Variants in DNAI3 observed in about 807,000 individuals in gnomAD.
DNAI3 encodes WD repeat domain 63.
Under a neutral mutation model 115.5 loss-of-function variants are expected in DNAI3, and 83 were observed. That is an observed-to-expected ratio of 0.72 (90% confidence interval 0.60 to 0.86). The LOEUF (loss-of-function observed/expected upper bound fraction) is 0.86, where lower values mean the gene tolerates loss of function less well. Ranked by LOEUF, DNAI3 falls within the 40% of genes least tolerant of loss-of-function variation. The pLI is 0.00. For missense variants in DNAI3, 1,004 were observed against 1,075.8 expected, an observed-to-expected ratio of 0.93 and a Z score of 0.93; for synonymous variants, 320 against 347.0, an observed-to-expected ratio of 0.92 and a Z score of 0.86.
chr1:85,062,348 G>C lies in DNAI3; in HGVS notation c.-153G>C, dbSNP rs1262545240. The C allele has an allele frequency of 2.0e-5, 3 of 152,148 alleles. No homozygotes were observed. The highest frequency in any genetic ancestry group is 2.1e-4 in the South Asian group (1 of 4,818). The allele number at this position is 152,148 out of a possible 1,614,324, so 9.4% of individuals were successfully genotyped here. A position where few individuals can be genotyped will look rare whatever the true frequency, so the allele number is the denominator to read the frequency against. ...CGACAGATGCGTCCTGGCAACAGTC[G>C]GCAGAGTTGCTGCGGTTTGTGCCCT... On this transcript the variant is annotated 5_prime_UTR_variant, in exon 1 of 23. Coordinates refer to ENST00000294664, the MANE Select transcript of DNAI3 (RefSeq NM_145172.5).
intron 17 of DNAI3, among the ~76,000 whole-genome samples, chr1:85,119,231 T>C (rs2034952): frequency 0.61 from 92,977 of 152,096 alleles, 30,396 homozygotes; most frequent in South Asian, 0.83. Context: ...TTCAATAATC[T>C]GTTGGAAAAG....
At chr1:85,094,286 A>G in intron 9 of DNAI3, 145 bp from the exon 10 acceptor site, 2 of 1,103,108 alleles carry the variant, frequency 1.8e-6, no homozygotes, top group South Asian at 1.6e-5. Flanking sequence ...TGGCAACCAC[A>G]TTAGCCAGCA....
Position 85,126,606 on chromosome 1 carries a change from A to G in DNAI3, c.2208A>G (p.Glu736=). The G allele has an allele frequency of 1.2e-6, 2 of 1,614,194 alleles. No homozygotes were observed. The highest frequency in any genetic ancestry group is 4.5e-5 in the East Asian group (2 of 44,882). ...TRPGVFYIGR[E]DGYIDIWDLL... is the part of the protein sequence containing the mutation. ...CCGGAGTTTTCTACATCGGCCGAGA[A>G]GATGGATACATTGATATCTGGGACC... is the stretch of plus-strand genomic sequence containing the variant. Residue 736 remains glutamate (E), a synonymous_variant, in exon 20 of 23, where the codon GAA becomes GAG. Transcript: ENST00000294664.
chr1:85,115,972 C>T (rs1655804954), intron 16 of DNAI3, among the ~76,000 whole-genome samples: 4 of 152,174 alleles, frequency 2.6e-5, no homozygotes, highest in South Asian at 4.1e-4. Flanking sequence ...ATGCTATTAA[C>T]TCAGCCTATT....
intron 17 of DNAI3, among the ~76,000 whole-genome samples, chr1:85,118,830 G>A (rs1655908274): frequency 6.6e-6 from 1 of 152,056 alleles, no homozygotes; most frequent in African/African-American, 2.4e-5. Flanking sequence ...AGGCTGCTTG[G>A]ATGTTGGAGG....
At chr1:85,086,386 G>C (rs1203225198) in intron 7 of DNAI3, among the ~76,000 whole-genome samples, 3 of 152,228 alleles carry the variant, frequency 2.0e-5, no homozygotes, top group Middle Eastern at 6.8e-3. Flanking sequence ...ATCAGATGGT[G>C]TTACTTCATT....
chr1:85,095,967 A>C lies in DNAI3; in HGVS notation c.1210A>C (p.Lys404Gln). Reference protein sequence around the residue: ...LESPDDIFCFKFCPSDPNIIA... With the variant: ...LESPDDIFCFQFCPSDPNIIA... ...GAGCCCAGATGACATCTTCTGCTTC[A>C]AGTTCTGTCCGAGTGATCCTAATAT... The change falls in exon 11 of 23, where the codon AAG becomes CAG. Residue 404 changes from lysine (K) to glutamine (Q), a missense_variant. Transcript: ENST00000294664. 6.2e-7 allele frequency: 1 copy of C among 1,613,856 alleles called. No individual in the cohort carries two copies. The highest frequency in any genetic ancestry group is 8.5e-7 in the Non-Finnish European group (1 of 1,179,790).
At chr1:85,100,516 C>T (rs1284528870) in intron 13 of DNAI3, among the ~76,000 whole-genome samples, 2 of 152,180 alleles carry the variant, frequency 1.3e-5, no homozygotes, top group Non-Finnish European at 2.9e-5. Flanking sequence ...CACTTTTACA[C>T]TGTTGGTGGG....
chr1:85,071,977 CA>C lies in DNAI3; in HGVS notation c.43del (p.Arg15AspfsTer2), dbSNP rs74765968. The C allele has an allele frequency of 1.8e-3, 2,895 of 1,609,884 alleles. 42 individuals carry two copies. The African/African-American group carries it at 0.035, about 19-fold the overall frequency. ...AACAAAAGAAAAAGACATCACGTGGCAAAAAAAGACTAAAACCAGTATTAGC... is the reference window on the plus strand; with the variant it reads ...AACAAAAGAAAAAGACATCACGTGGCAAAAAAGACTAAAACCAGTATTAGC... ...PKQKKKTSRG[K>X]KRLKPVLAAS... On this transcript the variant is annotated frameshift_variant, in exon 2 of 23. Coordinates refer to ENST00000294664, the MANE Select transcript of DNAI3 (RefSeq NM_145172.5). LOFTEE classifies it high-confidence loss of function.
At chr1:85,070,243 A>G (rs2100553758) in intron 1 of DNAI3, among the ~76,000 whole-genome samples, 1 of 152,342 alleles carries the variant, frequency 6.6e-6, no homozygotes, top group East Asian at 1.9e-4. Flanking sequence ...CCTGGGCAAC[A>G]GAGTGAAACT....
At chr1:85,098,796 G>T (rs1571179257) in intron 13 of DNAI3, 138 bp downstream of exon 13, 2 of 1,278,060 alleles carry the variant, frequency 1.6e-6, no homozygotes, top group South Asian at 1.3e-5. Context: ...AAAAAATGGG[G>T]TTACTGTTGC....
Position 85,087,027 on chromosome 1 carries a change from A to G in DNAI3, c.740+997A>G, listed in dbSNP as rs974352996. ...ATTCCTTGATTCACCACGCATACTCATACCTGATGTGTTTAAGCTTACGAG... is the reference window on the plus strand; with the variant it reads ...ATTCCTTGATTCACCACGCATACTCGTACCTGATGTGTTTAAGCTTACGAG... On this transcript the variant is annotated intron_variant, in intron 7 of 22. Transcript: ENST00000294664. 4.6e-5 allele frequency among the ~76,000 whole-genome samples: 7 copies of G among 152,076 alleles called. 1 individual carries two copies. Among genetic ancestry groups the G allele is most frequent in the Admixed American group, 3.3e-4 (5 of 15,284 alleles).
chr1:85,073,615 G>A (rs1016326539), intron 3 of DNAI3, among the ~76,000 whole-genome samples: 3 of 152,152 alleles, frequency 2.0e-5, no homozygotes, highest in African/African-American at 4.8e-5. Context: ...TAGATGACAC[G>A]CTTCACTTTT....
At chr1:85,128,293 G>GGT in intron 20 of DNAI3, among the ~76,000 whole-genome samples, 1 of 152,214 alleles carries the variant, frequency 6.6e-6, no homozygotes, top group South Asian at 2.1e-4. Context: ...TCTGGATGAT[G>GGT]GTACCCTTTA....
rs529676935 is a variant in DNAI3, at chr1:85,072,396, C to T, written c.64+391C>T. Among the ~76,000 whole-genome samples the T allele has an allele frequency of 2.6e-5, 4 of 152,262 alleles. No homozygotes were observed. In the South Asian group the frequency reaches 8.3e-4, roughly 32 times the overall value. On this transcript the variant is annotated intron_variant, in intron 2 of 22. Transcript: ENST00000294664. Reference sequence around the variant, plus strand: ...CGGTGGTTCACGCCTGTAATCCCAGCACTTTGGGAGGCCGAGGCGGTTGGA... The same window carrying T: ...CGGTGGTTCACGCCTGTAATCCCAGTACTTTGGGAGGCCGAGGCGGTTGGA...
chr1:85,090,220 A>G lies in DNAI3; in HGVS notation c.845A>G (p.Asn282Ser), dbSNP rs1317584478. 2.6e-6 allele frequency: 4 copies of G among 1,558,930 alleles called. No homozygotes were observed. Among genetic ancestry groups the G allele is most frequent in the Non-Finnish European group, 3.5e-6 (4 of 1,153,212 alleles). ...QSKPLVDFLN[N>S]ASISVEIALQ... The stretch of plus-strand genomic sequence containing the variant: ...AAGCCTTTGGTTGATTTTCTTAACA[A>G]TGCATCCATAAGGTAAAAAATTGCA... The change falls in exon 8 of 23, where the codon AAT becomes AGT. Residue 282 changes from asparagine to serine, a missense_variant. Asn to Ser is a conservative substitution (Grantham distance 46, BLOSUM62 1). This residue lies in a region of DNAI3 where 550 missense variants were observed against 568.1 expected (regional missense o/e 0.97). Coordinates refer to ENST00000294664, the MANE Select transcript of DNAI3 (RefSeq NM_145172.5).
chr1:85,085,301 A>G (rs181613584), intron 6 of DNAI3, among the ~76,000 whole-genome samples: 22 of 152,328 alleles, frequency 1.4e-4, no homozygotes, highest in South Asian at 1.0e-3. Flanking sequence ...TGGTTATGGC[A>G]GCTGTAGGAA....
chr1:85,105,064 G>T (rs948823979), intron 14 of DNAI3, among the ~76,000 whole-genome samples: 13 of 152,114 alleles, frequency 8.5e-5, no homozygotes, highest in Admixed American at 3.9e-4. Flanking sequence ...CCAGTTTATA[G>T]AACTAAGAAT....
chr1:85,067,144 C>T (rs1416011221), intron 1 of DNAI3, among the ~76,000 whole-genome samples: 3 of 152,208 alleles, frequency 2.0e-5, no homozygotes, highest in Non-Finnish European at 4.4e-5. Context: ...GGGCTCTCTT[C>T]AGCTTATAAA....
Sources: gnomAD v4.1 joint callset for allele counts (sites outside exome capture counted in the v4.1 genomes callset) on GRCh38, gnomAD v4.1.1 for gene constraint, gnomAD v4.1.1 regional missense constraint, MANE v1.5 for transcripts, NCBI Gene and HGNC (gene_info 2026-07-23, HGNC 2026-07-21) for gene names.